PRKCH: variants seen among roughly 807,000 people sequenced by gnomAD.
PRKCH encodes protein kinase C eta type.
A neutral mutation model predicts 82.5 loss-of-function variants in PRKCH; 28 were observed. That is an observed-to-expected ratio of 0.34 (90% CI 0.25 to 0.47). The LOEUF (loss-of-function observed/expected upper bound fraction) is 0.47, where lower values mean the gene tolerates loss of function less well. PRKCH is among the 20% of genes least tolerant of loss of function. The probability of loss-of-function intolerance (pLI) is 1.00; values close to 1 mark genes in which losing one functional copy is unlikely to be tolerated. For synonymous variants in PRKCH, 322 were observed against 327.4 expected, an observed-to-expected ratio of 0.98 and a Z score of 0.18; for missense variants, 705 against 881.8, an observed-to-expected ratio of 0.80 and a Z score of 2.54.
intron 9 of PRKCH, among the ~76,000 whole-genome samples, chr14:61,470,355 C>G (rs1445004114): frequency 6.6e-6 from 1 of 151,806 alleles, no homozygotes. Context: ...ATCCCGCTGG[C>G]AAGACTAGTC....
chr14:61,506,407 G>T (rs1293632296), intron 10 of PRKCH, among the ~76,000 whole-genome samples: 3 of 152,048 alleles, frequency 2.0e-5, no homozygotes, highest in Non-Finnish European at 4.4e-5. Context: ...AAGTCAGGGG[G>T]GTGGGTAAGT....
intron 1 of PRKCH, among the ~76,000 whole-genome samples, chr14:61,339,747 T>C (rs2140136778): frequency 7.1e-6 from 1 of 140,906 alleles, no homozygotes; most frequent in South Asian, 2.6e-4. Flanking sequence ...AGTGGCGCAA[T>C]CTCAGCTCAC....
chr14:61,300,666 A>T (rs1419028147), intron 1 of PRKCH, among the ~76,000 whole-genome samples: 1 of 152,182 alleles, frequency 6.6e-6, no homozygotes, highest in Non-Finnish European at 1.5e-5. Context: ...TTTAATGAAA[A>T]GTAGCCCCCA....
At chr14:61,370,421 C>T (rs920357435) in intron 1 of PRKCH, among the ~76,000 whole-genome samples, 2 of 152,086 alleles carry the variant, frequency 1.3e-5, no homozygotes, top group Admixed American at 6.5e-5. Context: ...TTTGCTAGGC[C>T]TGGGGGTGGG....
At chr14:61,504,523 G>T (rs1016792190) in intron 10 of PRKCH, among the ~76,000 whole-genome samples, 3 of 152,126 alleles carry the variant, frequency 2.0e-5, no homozygotes. Flanking sequence ...ACACTGCATG[G>T]TCATCATACA....
chr14:61,190,880 T>G (rs1213112837), intron 1 of PRKCH, among the ~76,000 whole-genome samples: 3 of 152,178 alleles, frequency 2.0e-5, no homozygotes, highest in African/African-American at 7.2e-5. Flanking sequence ...TTACTTTACC[T>G]TATTTCCATA....
intron 10 of PRKCH, among the ~76,000 whole-genome samples, chr14:61,493,717 C>T (rs751626501): frequency 4.0e-5 from 6 of 151,496 alleles, no homozygotes; most frequent in Non-Finnish European, 5.9e-5. Context: ...CTTTTACGTG[C>T]GGGTGGGGGG....
At chr14:61,537,678 T>C (rs2043129856) in intron 12 of PRKCH, 1 of 152,220 alleles carries the variant, frequency 6.6e-6, no homozygotes, top group African/African-American at 2.4e-5. Flanking sequence ...CCCTTGTCTT[T>C]GAGCTCACAC....
At chr14:61,416,058 T>C (rs796104876) in intron 2 of PRKCH, among the ~76,000 whole-genome samples, 2 of 122,978 alleles carry the variant, frequency 1.6e-5, no homozygotes, top group African/African-American at 7.3e-5. Flanking sequence ...CTTTTCTTTT[T>C]TTTTTTTTTT....
intron 1 of PRKCH, among the ~76,000 whole-genome samples, chr14:61,196,199 C>T (rs1273775926): frequency 6.6e-6 from 1 of 152,100 alleles, no homozygotes; most frequent in African/African-American, 2.4e-5. Flanking sequence ...CCAGTGACGA[C>T]ATCTATAGAT....
intron 1 of PRKCH, among the ~76,000 whole-genome samples, chr14:61,262,408 C>A (rs74529601): frequency 6.6e-6 from 1 of 151,690 alleles, no homozygotes; most frequent in African/African-American, 2.4e-5. Flanking sequence ...AAAAGCATTG[C>A]GGGGATCAAA....
intron 1 of PRKCH, among the ~76,000 whole-genome samples, chr14:61,222,390 G>A (rs2044662727): frequency 7.2e-6 from 1 of 139,466 alleles, no homozygotes; most frequent in East Asian, 2.2e-4. Flanking sequence ...TTTATTGGTA[G>A]TATCCTCATT....
intron 1 of PRKCH, among the ~76,000 whole-genome samples, chr14:61,226,130 C>A (rs6573372): frequency 6.6e-6 from 1 of 151,884 alleles, no homozygotes; most frequent in Non-Finnish European, 1.5e-5. Context: ...CAGTCTTAAC[C>A]GTAGGCAAAT....
At chr14:61,481,583 G>A (rs189034988) in intron 9 of PRKCH, among the ~76,000 whole-genome samples, 87 of 152,292 alleles carry the variant, frequency 5.7e-4, no homozygotes, top group African/African-American at 2.0e-3. Context: ...GAAAAACATG[G>A]AGGAAGCACA....
At chr14:61,520,971 C>CT (rs2139992855) in intron 10 of PRKCH, among the ~76,000 whole-genome samples, 2 of 152,222 alleles carry the variant, frequency 1.3e-5, no homozygotes, top group African/African-American at 4.8e-5. Context: ...AAATTTAAAA[C>CT]AACCCAAATG....
chr14:61,305,080 C>T (rs1031164736), intron 1 of PRKCH: 1 of 151,752 alleles, frequency 6.6e-6, no homozygotes, highest in African/African-American at 2.4e-5. Flanking sequence ...TTTGTTGATT[C>T]TTCAATCTGT....
At position 61,450,844 on chromosome 14, in the gene PRKCH, T is replaced by G. The variant is rs766215470; in HGVS notation, c.705T>G (p.Ile235Met). Residue 235 changes from isoleucine to methionine, a missense_variant and splice_region_variant, in exon 6 of 14, where the codon ATT becomes ATG. Ile to Met is a conservative substitution (Grantham distance 10). Coordinates refer to ENST00000332981, the MANE Select transcript of PRKCH (RefSeq NM_006255.5). The part of the protein sequence containing the change: ...QNNINKVDSK[I>M]AEQRFGINIP... ...TCCCTTTATTTCCTTTTTTACAGAT[T>G]GCAGAACAGAGGTTCGGGATCAACA... The G allele has an allele frequency of 6.2e-7, 1 of 1,613,644 alleles. No homozygotes were observed. The highest frequency in any genetic ancestry group is 8.5e-7 in the Non-Finnish European group (1 of 1,179,794).
chr14:61,421,591 A>G (rs2140246128), intron 2 of PRKCH, among the ~76,000 whole-genome samples: 1 of 152,210 alleles, frequency 6.6e-6, no homozygotes, highest in East Asian at 1.9e-4. Flanking sequence ...CTCATCTCCT[A>G]CCAGACCTTC....
intron 6 of PRKCH, among the ~76,000 whole-genome samples, chr14:61,451,430 A>C (rs1461323119): frequency 6.6e-6 from 1 of 152,238 alleles, no homozygotes; most frequent in African/African-American, 2.4e-5. Context: ...GGCAGAATAG[A>C]TCTGATGATC....
Sources: gnomAD v4.1 joint callset for allele counts (sites outside exome capture counted in the v4.1 genomes callset) on GRCh38, gnomAD v4.1.1 for gene constraint, MANE v1.5 for transcripts, NCBI Gene and HGNC (gene_info 2026-07-23, HGNC 2026-07-21) for gene names.